TTC34: variants seen among roughly 807,000 people sequenced by gnomAD.
The protein encoded by TTC34 is tetratricopeptide repeat protein 34.
Under a neutral mutation model 40.7 loss-of-function variants are expected in TTC34, and 44 were observed. That is an observed-to-expected ratio of 1.08 (90% confidence interval 0.85 to 1.39). The LOEUF is 1.39. Ranked by LOEUF, TTC34 falls within the 40% of genes most tolerant of loss-of-function variation. The pLI is 0.00. For missense variants in TTC34, 884 were observed against 838.0 expected (o/e 1.05, Z -0.68); for synonymous variants, 422 against 398.6 (o/e 1.06, Z -0.70).
chr1:2,769,599 G>A (rs1428895759), intron 6 of TTC34, among the ~76,000 whole-genome samples: 1 of 129,276 alleles, frequency 7.7e-6, no homozygotes, highest in African/African-American at 3.1e-5. Context: ...CCTCCAGGGG[G>A]AGCATCTGAC....
In TTC34 at chr1:2,688,580, C is replaced by T. The variant is rs60995822; in HGVS notation, c.2227-43017G>A. ...GGAGCAGCACCCACACCTTCCGGCG[C>T]GCATCCGACAGCCTGGAGCAGCACC... On this transcript the variant is annotated intron_variant, in intron 6 of 8. Transcript: ENST00000401095. Among the ~76,000 whole-genome samples the T allele has an allele frequency of 1.9e-3, 211 of 108,664 alleles. 11 individuals are homozygous for T. In the South Asian group the frequency reaches 0.061, roughly 31 times the overall value. The allele number at this position is 108,664 out of a possible 152,430, so 71.3% of individuals were successfully genotyped here. A position where few individuals can be genotyped will look rare whatever the true frequency, so the allele number is the denominator to read the frequency against.
chr1:2,750,760 C>G (rs1315262964), intron 6 of TTC34, among the ~76,000 whole-genome samples: 1 of 134,990 alleles, frequency 7.4e-6, no homozygotes, highest in Non-Finnish European at 1.6e-5. Context: ...TGGAGCAGCA[C>G]GCATAAACAC....
At chr1:2,778,797 GGT>G (rs1557684099) in intron 6 of TTC34, among the ~76,000 whole-genome samples, 2 of 151,992 alleles carry the variant, frequency 1.3e-5, no homozygotes, top group African/African-American at 4.8e-5. Flanking sequence ...TTATGTGTAC[GGT>G]GTGGTGGCAT....
intron 6 of TTC34, among the ~76,000 whole-genome samples, chr1:2,648,673 G>A (rs1240662559): frequency 6.7e-6 from 1 of 149,420 alleles, no homozygotes; most frequent in Non-Finnish European, 1.5e-5. Context: ...CACACCCCAG[G>A]GGAGCATCTT....
At chr1:2,750,547 C>CT (rs1641281807) in intron 6 of TTC34, among the ~76,000 whole-genome samples, 1 of 151,926 alleles carries the variant, frequency 6.6e-6, no homozygotes, top group African/African-American at 2.4e-5. Context: ...ATCCGACAGC[C>CT]TGGGGCAGCA....
chr1:2,675,238 C>G (rs1454482208), intron 6 of TTC34, among the ~76,000 whole-genome samples: 1 of 148,712 alleles, frequency 6.7e-6, no homozygotes, highest in African/African-American at 2.5e-5. Flanking sequence ...ACAGCACCCA[C>G]AACCCCAGGT....
intron 6 of TTC34, among the ~76,000 whole-genome samples, chr1:2,768,383 G>T (rs1641860342): frequency 1.3e-5 from 2 of 151,962 alleles, no homozygotes; most frequent in African/African-American, 4.8e-5. Flanking sequence ...CCACCACAAG[G>T]TGAGCATATG....
At chr1:2,751,453 G>A (rs1385317768) in intron 6 of TTC34, among the ~76,000 whole-genome samples, 2 of 108,704 alleles carry the variant, frequency 1.8e-5, no homozygotes, top group Non-Finnish European at 3.5e-5. Flanking sequence ...AGACCCCCAG[G>A]TGAGCATCTG....
At chr1:2,683,970 GA>G (rs1338546302) in intron 6 of TTC34, among the ~76,000 whole-genome samples, 8 of 3,372 alleles carry the variant, frequency 2.4e-3, no homozygotes, top group East Asian at 0.031. Flanking sequence ...TTGAGCATCT[GA>G]CAGCCTGGAG....
intron 6 of TTC34, among the ~76,000 whole-genome samples, chr1:2,684,934 G>C (rs531213290): frequency 2.9e-5 from 4 of 135,790 alleles, no homozygotes; most frequent in African/African-American, 6.2e-5. Context: ...GTGAGCATCC[G>C]ACAGCCTGGA....
intron 2 of TTC34, among the ~76,000 whole-genome samples, chr1:2,799,067 A>C (rs990111158): frequency 0.02 from 744 of 36,458 alleles, no homozygotes; most frequent in Middle Eastern, 0.061. Context: ...CTCAGCCTCC[A>C]AGCCTCCCAG....
chr1:2,759,437 C>A (rs1355080058), intron 6 of TTC34, among the ~76,000 whole-genome samples: 6 of 90,294 alleles, frequency 6.6e-5, no homozygotes, highest in East Asian at 3.9e-4. Context: ...AGCACCCACA[C>A]TCCCAGGCGA....
At chr1:2,754,739 C>G (rs1262332196) in intron 6 of TTC34, among the ~76,000 whole-genome samples, 3 of 136,456 alleles carry the variant, frequency 2.2e-5, no homozygotes, top group South Asian at 4.4e-4. Flanking sequence ...GCACCCACAC[C>G]CCCAGGTGCG....
intron 6 of TTC34, among the ~76,000 whole-genome samples, chr1:2,778,518 G>T (rs375508925): frequency 7.9e-5 from 12 of 152,348 alleles, no homozygotes; most frequent in African/African-American, 2.6e-4. Flanking sequence ...GATCACAGGG[G>T]ATGTCCCTTT....
Position 2,752,736 on chromosome 1 carries a change from C to G in TTC34, c.2226+30873G>C, listed in dbSNP as rs1450313367. Among the ~76,000 whole-genome samples, 12 of 119,518 alleles carry G rather than the reference C, an allele frequency of 1.0e-4. 1 individual carries two copies. The highest frequency in any genetic ancestry group is 1.9e-4 in the Non-Finnish European group (11 of 57,806). 78.4% of individuals were successfully genotyped at this position (119,518 alleles called of 152,430 possible). A position where few individuals can be genotyped will look rare whatever the true frequency, so the allele number is the denominator to read the frequency against. Reference sequence around the variant, plus strand: ...CAGCATGGAACAGCACCCTGCACCCCCAGGACAGCATCTGACAGCGTGGAA... The same window carrying G: ...CAGCATGGAACAGCACCCTGCACCCGCAGGACAGCATCTGACAGCGTGGAA... On this transcript the variant is annotated intron_variant, in intron 6 of 8. Transcript: ENST00000401095.
rs1641605622 is a variant in TTC34 at position 2,759,149 on chromosome 1, AC to A, written c.2226+24459del. ...TGAGCCTCTGACAGCCTAGAACAGC[AC>A]CCACACCCCCAGGCGAGCATCTGAC... On this transcript the variant is annotated intron_variant, in intron 6 of 8. Transcript: ENST00000401095. Among the ~76,000 whole-genome samples, 4 of 107,914 alleles carry A rather than the reference AC, an allele frequency of 3.7e-5. No homozygotes were observed. The East Asian group carries it at 9.8e-4, about 26-fold the overall frequency. The allele number at this position is 107,914 out of a possible 152,430, so 70.8% of individuals were successfully genotyped here. A position where few individuals can be genotyped will look rare whatever the true frequency, so the allele number is the denominator to read the frequency against.
intron 6 of TTC34, among the ~76,000 whole-genome samples, chr1:2,688,085 C>T (rs1343056349): frequency 1.3e-5 from 2 of 152,178 alleles, no homozygotes; most frequent in African/African-American, 4.8e-5. Flanking sequence ...CAGCACCCTG[C>T]ACCCCCAGGT....
intron 6 of TTC34, among the ~76,000 whole-genome samples, chr1:2,684,101 G>T (rs1640208664): frequency 6.6e-6 from 1 of 152,244 alleles, no homozygotes; most frequent in South Asian, 2.1e-4. Flanking sequence ...CGATAGCCTG[G>T]AGCAGCACCC....
At chr1:2,653,685 C>G (rs796997652) in intron 6 of TTC34, among the ~76,000 whole-genome samples, 1 of 115,474 alleles carries the variant, frequency 8.7e-6, no homozygotes, top group Non-Finnish European at 2.1e-5. Flanking sequence ...GAACAGCACC[C>G]ACACCCCCAG....
Sources: allele counts gnomAD v4.1 joint callset (sites outside exome capture counted in the v4.1 genomes callset), GRCh38; gene constraint gnomAD v4.1.1; transcripts MANE v1.5; gene names NCBI Gene and HGNC (gene_info 2026-07-23, HGNC 2026-07-21).